Variants in OPHN1 observed in about 807,000 individuals in gnomAD.
OPHN1 encodes the protein oligophrenin 1.
Under a neutral mutation model 60.7 loss-of-function variants are expected in OPHN1, and 11 were observed. The ratio of observed to expected loss-of-function variants is 0.18; its 90% CI spans 0.11 to 0.30. The LOEUF is 0.30. Among genes scored for constraint, OPHN1 ranks in the 10% least tolerant of loss-of-function variants. The pLI is 1.00. For synonymous variants in OPHN1, 226 were observed against 222.6 expected (o/e 1.02, Z -0.14); for missense variants, 449 against 611.0 (o/e 0.73, Z 2.80).
At chrX:68,226,447 A>C (rs1220322031) in intron 6 of OPHN1, among the ~76,000 whole-genome samples, 2 of 111,315 alleles carry the variant, frequency 1.8e-5, no homozygotes, top group African/African-American at 3.3e-5. Context: ...CCAAAGTTGA[A>C]ATGAAGGAAA....
intron 16 of OPHN1, among the ~76,000 whole-genome samples, chrX:68,118,626 G>A (rs766553045): frequency 9.0e-6 from 1 of 111,642 alleles, no homozygotes; most frequent in South Asian, 3.8e-4. Context: ...AAATATATAT[G>A]TCTTAAGCAC....
rs193040069 is a variant in OPHN1, at chrX:68,272,131, G to A, written c.384+2607C>T. ...AGCAGGTATTGAGAGGCTTGGAATTGATTGGCAATAAATTGATAACACACA... is the reference window on the plus strand; with the variant it reads ...AGCAGGTATTGAGAGGCTTGGAATTAATTGGCAATAAATTGATAACACACA... On this transcript the variant is annotated intron_variant, in intron 5 of 24. Transcript: ENST00000355520. Among the ~76,000 whole-genome samples, 16 of 111,475 alleles carry A rather than the reference G, an allele frequency of 1.4e-4. No homozygotes were observed. The East Asian group carries it at 4.5e-3, about 31-fold the overall frequency.
chrX:68,323,066 A>T (rs1000350483), intron 2 of OPHN1, among the ~76,000 whole-genome samples: 1 of 111,409 alleles, frequency 9.0e-6, no homozygotes, highest in Non-Finnish European at 1.9e-5. Flanking sequence ...ATGAAGGAAG[A>T]TATTTGTGTT....
intron 2 of OPHN1, among the ~76,000 whole-genome samples, chrX:68,305,797 T>C (rs896522549): frequency 4.5e-5 from 5 of 112,139 alleles, no homozygotes; most frequent in African/African-American, 1.6e-4. Context: ...AGTCAATAAA[T>C]AAGCATACAA....
At chrX:68,059,692 G>A (rs1192081041) in intron 21 of OPHN1, among the ~76,000 whole-genome samples, 1 of 111,511 alleles carries the variant, frequency 9.0e-6, no homozygotes, top group Admixed American at 9.5e-5. Context: ...AGAATTAATG[G>A]CTCTGTGACT....
At chrX:68,408,478 A>G (rs2078754388) in intron 2 of OPHN1, among the ~76,000 whole-genome samples, 1 of 112,161 alleles carries the variant, frequency 8.9e-6, no homozygotes, top group South Asian at 3.7e-4. Context: ...CTCCCACGGA[A>G]TAGTGCACAG....
At chrX:68,308,691 T>C (rs2078158355) in intron 2 of OPHN1, among the ~76,000 whole-genome samples, 1 of 112,552 alleles carries the variant, frequency 8.9e-6, no homozygotes, top group African/African-American at 3.2e-5. Flanking sequence ...CTAACGTTGC[T>C]ATTAACTAGA....
At chrX:68,307,290 AT>A (rs1477140263) in intron 2 of OPHN1, among the ~76,000 whole-genome samples, 4 of 106,431 alleles carry the variant, frequency 3.8e-5, no homozygotes. Context: ...CAAAAAAAAA[AT>A]AATAATAATA....
At chrX:68,349,899 G>A (rs772452077) in intron 2 of OPHN1, among the ~76,000 whole-genome samples, 4 of 109,459 alleles carry the variant, frequency 3.7e-5, no homozygotes, top group African/African-American at 1.3e-4. Flanking sequence ...TCACACACTC[G>A]GGCCTGTCAG....
At chrX:68,296,114 C>A (rs2078093828) in intron 3 of OPHN1, among the ~76,000 whole-genome samples, 1 of 111,400 alleles carries the variant, frequency 9.0e-6, no homozygotes, top group Admixed American at 9.6e-5. Context: ...AGAGCCTCAG[C>A]CTCAGCTGTT....
chrX:68,381,431 A>G (rs1464395866), intron 2 of OPHN1, among the ~76,000 whole-genome samples: 3 of 111,943 alleles, frequency 2.7e-5, no homozygotes, highest in Non-Finnish European at 5.6e-5. Context: ...CGCTCAACAA[A>G]TGTCTGTTAA....
At chrX:68,168,819 G>T (rs2077373508) in intron 15 of OPHN1, among the ~76,000 whole-genome samples, 1 of 110,989 alleles carries the variant, frequency 9.0e-6, no homozygotes, top group Non-Finnish European at 1.9e-5. Flanking sequence ...TGATAAAGGG[G>T]ATATCACCAC....
rs780048413 is a variant in OPHN1, at chrX:68,111,901, T to C, written c.1479A>G (p.Pro493=). 30 of 1,206,414 alleles carry C rather than the reference T, an allele frequency of 2.5e-5. 1 individual carries two copies. The highest frequency in any genetic ancestry group is 3.3e-5 in the Non-Finnish European group (29 of 892,284). Residue 493 remains proline (P), a synonymous_variant, in exon 18 of 25, where the codon CCA becomes CCG. Transcript: ENST00000355520. ...GAIHSLVYKL[P]EKNREMLELL... The stretch of plus-strand genomic sequence containing the variant: ...GTTCCAGCATCTCTCGGTTCTTTTC[T>C]GGTAGCTTATATACCAGGGAGTGAA...
chrX:68,143,611 G>T (rs1415426455), intron 15 of OPHN1, among the ~76,000 whole-genome samples: 1 of 111,266 alleles, frequency 9.0e-6, no homozygotes, highest in Admixed American at 9.6e-5. Context: ...CCTTCTGGGG[G>T]TCTAGCATTT....
intron 16 of OPHN1, among the ~76,000 whole-genome samples, chrX:68,118,565 A>G (rs927533716): frequency 1.8e-5 from 2 of 112,184 alleles, no homozygotes; most frequent in Admixed American, 9.5e-5. Context: ...CACATAAAGT[A>G]TGATACATAC....
chrX:68,182,175 T>C (rs1056938064), intron 15 of OPHN1, among the ~76,000 whole-genome samples: 6 of 96,452 alleles, frequency 6.2e-5, no homozygotes, highest in Non-Finnish European at 1.2e-4. Context: ...GGGACTGACA[T>C]AGAAGCTCTG....
chrX:68,088,167 G>A (rs767798717), intron 19 of OPHN1, among the ~76,000 whole-genome samples: 5 of 111,683 alleles, frequency 4.5e-5, no homozygotes, highest in Admixed American at 1.9e-4. Context: ...TGGTAGAACT[G>A]AGACTAGAAT....
At chrX:68,318,101 A>C (rs1019576306) in intron 2 of OPHN1, among the ~76,000 whole-genome samples, 1 of 111,855 alleles carries the variant, frequency 8.9e-6, no homozygotes, top group African/African-American at 3.2e-5. Context: ...AACATACAAA[A>C]ATCAATCGTA....
intron 3 of OPHN1, among the ~76,000 whole-genome samples, 166 bp from the exon 4 acceptor site, chrX:68,283,283 A>G (rs2078026913): frequency 8.9e-6 from 1 of 112,035 alleles, no homozygotes; most frequent in Non-Finnish European, 1.9e-5. Context: ...CACCTGTTGA[A>G]TGTTTCTTTT....
Sources: allele counts gnomAD v4.1 joint callset (sites outside exome capture counted in the v4.1 genomes callset), GRCh38; gene constraint gnomAD v4.1.1; transcripts MANE v1.5; gene names NCBI Gene and HGNC (gene_info 2026-07-23, HGNC 2026-07-21).